OPRK1: variants seen among roughly 807,000 people sequenced by gnomAD.
The protein encoded by OPRK1 is opioid receptor kappa 1, also known as kappa-type opioid receptor.
In OPRK1, 15 loss-of-function variants were observed where a neutral mutation model predicts 24.5. That is an observed-to-expected ratio of 0.61 (90% CI 0.41 to 0.94). The LOEUF (loss-of-function observed/expected upper bound fraction) is 0.94, where lower values mean the gene tolerates loss of function less well. Among genes scored for constraint, OPRK1 ranks in the 40% least tolerant of loss-of-function variants. OPRK1 has a pLI of 0.00. For synonymous variants in OPRK1, 205 were observed against 198.0 expected (o/e 1.04, Z -0.30); for missense variants, 479 against 507.3 (o/e 0.94, Z 0.54).
intron 2 of OPRK1, among the ~76,000 whole-genome samples, chr8:53,249,011 T>G (rs900332446): frequency 5.3e-5 from 8 of 152,222 alleles, no homozygotes; most frequent in African/African-American, 1.9e-4. Context: ...CAGGATTTTT[T>G]TTTCCTTCTT....
intron 2 of OPRK1, 75 bp from the exon 3 acceptor site, chr8:53,235,186 C>T (rs1806962340): frequency 1.6e-6 from 2 of 1,240,434 alleles, no homozygotes; most frequent in East Asian, 4.7e-5. Context: ...TTGTGATAGC[C>T]TTTGGATTAC....
intron 2 of OPRK1, among the ~76,000 whole-genome samples, chr8:53,241,585 A>C (rs1421517938): frequency 2.0e-5 from 3 of 152,118 alleles, no homozygotes; most frequent in Non-Finnish European, 2.9e-5. Context: ...ATGGAAGGAA[A>C]GGAAAATGGA....
In OPRK1 at chr8:53,250,770, C is replaced by G; in HGVS notation, c.257+11G>C. 6.3e-7 allele frequency: 1 copy of G among 1,599,552 alleles called. No individual in the cohort carries two copies. The highest frequency in any genetic ancestry group is 8.5e-7 in the Non-Finnish European group (1 of 1,171,962). On this transcript the variant is annotated intron_variant, in intron 2 of 3. Coordinates refer to ENST00000265572, the MANE Select transcript of OPRK1 (RefSeq NM_000912.5). ...GCCCAGCCCCCAGCGCTGCGCTGTC[C>G]CCGCGCTCACCGGATGATCACGAAC... is the stretch of plus-strand genomic sequence containing the variant.
intron 2 of OPRK1, among the ~76,000 whole-genome samples, chr8:53,241,484 G>A (rs138012276): frequency 4.6e-3 from 695 of 151,792 alleles, no homozygotes; most frequent in Non-Finnish European, 7.6e-3. Context: ...GCCACAGAGA[G>A]AGACTCCATG....
intron 3 of OPRK1, among the ~76,000 whole-genome samples, chr8:53,230,676 A>T (rs1202647163): frequency 6.6e-6 from 1 of 152,088 alleles, no homozygotes; most frequent in Non-Finnish European, 1.5e-5. Context: ...CTCAGGATGG[A>T]CACCTTCTAA....
chr8:53,250,981 G>A lies in OPRK1; in HGVS notation c.57C>T (p.Ser19=). 1 of 1,597,890 alleles carries A rather than the reference G, an allele frequency of 6.3e-7. No individual in the cohort carries two copies. Among genetic ancestry groups the A allele is most frequent in the East Asian group, 2.3e-5 (1 of 44,334 alleles). ...RGEPGPTCAP[S]ACLPPNSSAW... Reference sequence around the variant, plus strand: ...CGCTGCTGTTGGGGGGCAGGCAGGCGCTCGGGGCGCAGGTAGGGCCCGGCT... The same window carrying A: ...CGCTGCTGTTGGGGGGCAGGCAGGCACTCGGGGCGCAGGTAGGGCCCGGCT... Residue 19 remains serine (S), a synonymous_variant, in exon 2 of 4, where the codon AGC becomes AGT. Coordinates refer to ENST00000265572, the MANE Select transcript of OPRK1 (RefSeq NM_000912.5).
chr8:53,241,968 C>T (rs1039653794), intron 2 of OPRK1, among the ~76,000 whole-genome samples: 6 of 152,228 alleles, frequency 3.9e-5, no homozygotes, highest in Admixed American at 2.0e-4. Flanking sequence ...CTAGAAGGAA[C>T]GTTCTAGTGC....
intron 3 of OPRK1, among the ~76,000 whole-genome samples, chr8:53,231,372 T>C (rs1806849746): frequency 6.6e-6 from 1 of 152,234 alleles, no homozygotes; most frequent in African/African-American, 2.4e-5. Flanking sequence ...AAGAGTTTCC[T>C]TGGAGGTAGG....
At chr8:53,235,342 A>T (rs2128808682) in intron 2 of OPRK1, among the ~76,000 whole-genome samples, 1 of 152,364 alleles carries the variant, frequency 6.6e-6, no homozygotes, top group South Asian at 2.1e-4. Flanking sequence ...ATTTCAATAT[A>T]GAAGATACAG....
Position 53,238,783 on chromosome 8 carries a change from A to T in OPRK1, c.258-3672T>A, listed in dbSNP as rs375183191. 12 of 891,514 alleles carry T rather than the reference A, an allele frequency of 1.3e-5. No homozygotes were observed. The African/African-American group carries it at 2.0e-4, about 15-fold the overall frequency. 55.2% of individuals were successfully genotyped at this position (891,514 alleles called of 1,614,324 possible). On this transcript the variant is annotated intron_variant, in intron 2 of 3. Transcript: ENST00000265572. ...TTTCTGGGAGGACGTGACACTCACC[A>T]TGCTAGAAAGGTGGCACTTGAGAAG...
In OPRK1 at chr8:53,251,085, G is replaced by A. The variant is rs1353340699; in HGVS notation, c.-48C>T. 6.9e-7 allele frequency: 1 copy of A among 1,440,244 alleles called. No individual in the cohort carries two copies. Among genetic ancestry groups the A allele is most frequent in the Non-Finnish European group, 9.1e-7 (1 of 1,103,482 alleles). 89.2% of individuals were successfully genotyped at this position (1,440,244 alleles called of 1,614,324 possible). A position where few individuals can be genotyped will look rare whatever the true frequency, so the allele number is the denominator to read the frequency against. On this transcript the variant is annotated splice_region_variant and 5_prime_UTR_variant, in exon 2 of 4. Coordinates refer to ENST00000265572, the MANE Select transcript of OPRK1 (RefSeq NM_000912.5). ...GGCGAGGACAGGCGGCACCTGCGGC[G>A]CTGCGGGAGCGAAAGAACCGGCTGG...
At chr8:53,236,653 A>C (rs1233147759) in intron 2 of OPRK1, among the ~76,000 whole-genome samples, 1 of 152,244 alleles carries the variant, frequency 6.6e-6, no homozygotes, top group Non-Finnish European at 1.5e-5. Context: ...AAAAGCAGAG[A>C]TAGCCAAGCA....
At chr8:53,242,970 T>G in intron 2 of OPRK1, 7 of 1,270,834 alleles carry the variant, frequency 5.5e-6, no homozygotes, top group Non-Finnish European at 7.2e-6. Context: ...TCCCCACTCC[T>G]AAAATCTATT....
At position 53,250,880 on chromosome 8, in the gene OPRK1, T is replaced by A; in HGVS notation, c.158A>T (p.His53Leu). The A allele has an allele frequency of 2.5e-6, 4 of 1,613,080 alleles. No individual in the cohort carries two copies. The highest frequency in any genetic ancestry group is 3.4e-6 in the Non-Finnish European group (4 of 1,179,702). The part of the protein sequence containing the change: ...GSEDAQLEPA[H>L]ISPAIPVIIT... ...GATGACCGGGATGGCCGGGGAGATGTGCGCGGGCTCCAGCTGCGCGTCCTC... is the reference window on the plus strand; with the variant it reads ...GATGACCGGGATGGCCGGGGAGATGAGCGCGGGCTCCAGCTGCGCGTCCTC... The change falls in exon 2 of 4, where the codon CAC becomes CTC. Residue 53 changes from histidine to leucine, a missense_variant. Physicochemically the swap from His to Leu is moderately conservative, Grantham distance 99 (BLOSUM62 -3). Coordinates refer to ENST00000265572, the MANE Select transcript of OPRK1 (RefSeq NM_000912.5).
chr8:53,241,980 T>A (rs1807126053), intron 2 of OPRK1, among the ~76,000 whole-genome samples: 2 of 152,206 alleles, frequency 1.3e-5, no homozygotes, highest in Non-Finnish European at 2.9e-5. Flanking sequence ...TTCTAGTGCA[T>A]TCAGGGTTAT....
chr8:53,247,965 TG>T (rs1167137862), intron 2 of OPRK1, among the ~76,000 whole-genome samples: 1 of 117,242 alleles, frequency 8.5e-6, no homozygotes, highest in Non-Finnish European at 1.6e-5. Flanking sequence ...CACTCCAGCC[TG>T]GGCAATAGAG....
rs940427338 is a variant in OPRK1, at chr8:53,227,107, A to C, written c.*2190T>G. 6.6e-6 allele frequency: 1 copy of C among 152,152 alleles called. No homozygotes were observed. Among genetic ancestry groups the C allele is most frequent in the Admixed American group, 6.5e-5 (1 of 15,270 alleles). The allele number at this position is 152,152 out of a possible 1,614,324, so 9.4% of individuals were successfully genotyped here. A position where few individuals can be genotyped will look rare whatever the true frequency, so the allele number is the denominator to read the frequency against. Reference sequence around the variant, plus strand: ...ACCCCGTCTCTACTAAAAATACAAAAATTAGCCGGGCTTGGCGGTGCACGC... The same window carrying C: ...ACCCCGTCTCTACTAAAAATACAAACATTAGCCGGGCTTGGCGGTGCACGC... On this transcript the variant is annotated 3_prime_UTR_variant, in exon 4 of 4. Coordinates refer to ENST00000265572, the MANE Select transcript of OPRK1 (RefSeq NM_000912.5).
chr8:53,247,753 T>C (rs1455695324), intron 2 of OPRK1, among the ~76,000 whole-genome samples: 1 of 151,916 alleles, frequency 6.6e-6, no homozygotes. Context: ...CCGAGCACTT[T>C]GGGAGGCCAA....
rs546459906 is a variant in OPRK1, at chr8:53,234,182, C to CAAAAAAAAA, written c.610+568_610+576dup. On this transcript the variant is annotated intron_variant, in intron 3 of 3. Coordinates refer to ENST00000265572, the MANE Select transcript of OPRK1 (RefSeq NM_000912.5). ...CTGGCAACAGAGCAAGACTCTCTCT[C>CAAAAAAAAA]AAAAAAAAAAAAAAAAAAAAATCAG... Among the ~76,000 whole-genome samples, 228 of 65,344 alleles carry CAAAAAAAAA rather than the reference C, an allele frequency of 3.5e-3. 8 individuals carry two copies. Among genetic ancestry groups the CAAAAAAAAA allele is most frequent in the African/African-American group, 0.016 (196 of 12,452 alleles). 42.9% of individuals were successfully genotyped at this position (65,344 alleles called of 152,430 possible).
Sources: allele counts gnomAD v4.1 joint callset (sites outside exome capture counted in the v4.1 genomes callset), GRCh38; gene constraint gnomAD v4.1.1; transcripts MANE v1.5; gene names NCBI Gene and HGNC (gene_info 2026-07-23, HGNC 2026-07-21).